SEMA3A: variants seen among roughly 807,000 people sequenced by gnomAD.
SEMA3A encodes the protein semaphorin-3A.
SEMA3A carries 29 observed loss-of-function variants against 97.9 expected under a neutral mutation model. The observed-to-expected ratio is 0.30, with a 90% CI of 0.22 to 0.40. The LOEUF (loss-of-function observed/expected upper bound fraction) is 0.40, where lower values mean the gene tolerates loss of function less well. Ranked by LOEUF, SEMA3A falls within the 10% of genes least tolerant of loss-of-function variation. The pLI is 1.00. For synonymous variants in SEMA3A, 321 were observed against 323.7 expected (o/e 0.99, Z 0.09); for missense variants, 763 against 951.3 (o/e 0.80, Z 2.60).
At chr7:84,260,903 C>T (rs2115659228) in intron 3 of SEMA3A, among the ~76,000 whole-genome samples, 1 of 152,278 alleles carries the variant, frequency 6.6e-6, no homozygotes, top group South Asian at 2.1e-4. Context: ...AGCCTGAGGC[C>T]CAGACTGTCC....
intron 1 of SEMA3A, among the ~76,000 whole-genome samples, chr7:84,450,389 T>C (rs1805526071): frequency 6.6e-6 from 1 of 152,156 alleles, no homozygotes; most frequent in African/African-American, 2.4e-5. Flanking sequence ...AGGAACTTTC[T>C]GGAAAAACCT....
At chr7:84,420,956 A>AT (rs1344803960) in intron 1 of SEMA3A, among the ~76,000 whole-genome samples, 4 of 151,928 alleles carry the variant, frequency 2.6e-5, no homozygotes, top group Non-Finnish European at 4.4e-5. Context: ...AGATTCATTG[A>AT]TTTTTTAAAG....
At chr7:84,368,599 A>G (rs1802905080) in intron 2 of SEMA3A, among the ~76,000 whole-genome samples, 1 of 150,946 alleles carries the variant, frequency 6.6e-6, no homozygotes, top group Admixed American at 6.6e-5. Context: ...TATAATGACC[A>G]AAGTAAGATA....
chr7:84,358,843 G>A (rs1802638868), intron 2 of SEMA3A, among the ~76,000 whole-genome samples: 1 of 152,124 alleles, frequency 6.6e-6, no homozygotes, highest in Non-Finnish European at 1.5e-5. Context: ...TCCTTGAAGA[G>A]GTCCTTCATA....
At chr7:84,083,654 A>C (rs1794236639) in intron 4 of SEMA3A, among the ~76,000 whole-genome samples, 2 of 152,034 alleles carry the variant, frequency 1.3e-5, no homozygotes, top group East Asian at 3.8e-4. Flanking sequence ...GATTTCTTTT[A>C]AAATTTGCTA....
At chr7:84,320,767 CAGG>C (rs1046052653) in intron 2 of SEMA3A, among the ~76,000 whole-genome samples, 1 of 151,984 alleles carries the variant, frequency 6.6e-6, no homozygotes, top group African/African-American at 2.4e-5. Flanking sequence ...AGTGAGAGAG[CAGG>C]AGATTTGAAA....
chr7:83,964,684 A>C (rs1788601539), intron 15 of SEMA3A, among the ~76,000 whole-genome samples: 2 of 152,178 alleles, frequency 1.3e-5, no homozygotes, highest in South Asian at 4.1e-4. Context: ...CTCTTCCAAT[A>C]TTGGGAATTA....
chr7:84,030,047 T>C (rs765387875), intron 6 of SEMA3A, among the ~76,000 whole-genome samples: 20 of 152,108 alleles, frequency 1.3e-4, no homozygotes, highest in Non-Finnish European at 2.2e-4. Context: ...AAAACAAAAT[T>C]ATCCTCTCAG....
chr7:84,260,730 G>C lies in SEMA3A; in HGVS notation c.-83+46477C>G, dbSNP rs572033350. ...AATGAGCATGGGAAGGAGGCCAAGG[G>C]GGGGACTGAGGGAGGATTGGCATAG... On this transcript the variant is annotated intron_variant, in intron 3 of 3. Coordinates refer to the SEMA3A transcript ENST00000424555. Among the ~76,000 whole-genome samples the C allele has an allele frequency of 2.3e-4, 35 of 152,318 alleles. 2 individuals carry two copies. The highest frequency in any genetic ancestry group is 7.0e-4 in the African/African-American group (29 of 41,580).
At chr7:84,209,865 A>G (rs1490901458) in intron 3 of SEMA3A, among the ~76,000 whole-genome samples, 1 of 152,214 alleles carries the variant, frequency 6.6e-6, no homozygotes, top group East Asian at 1.9e-4. Context: ...AGTCATTTAC[A>G]TGCTTCTGAC....
At chr7:84,031,518 T>C (rs1244576175) in intron 6 of SEMA3A, among the ~76,000 whole-genome samples, 1 of 152,006 alleles carries the variant, frequency 6.6e-6, no homozygotes, top group East Asian at 1.9e-4. Flanking sequence ...AAATACGTAA[T>C]AATAACTTAT....
intron 12 of SEMA3A, among the ~76,000 whole-genome samples, chr7:83,986,965 C>T (rs62473901): frequency 9.8e-6 from 1 of 101,752 alleles, no homozygotes; most frequent in Admixed American, 9.6e-5. Context: ...TCATCTCTCT[C>T]TCTTTCACAC....
intron 3 of SEMA3A, among the ~76,000 whole-genome samples, chr7:84,295,141 A>G (rs17158810): frequency 0.018 from 2,686 of 152,176 alleles, 79 homozygotes; most frequent in African/African-American, 0.062. Context: ...CCTGTGGGAT[A>G]TAAAAGGATT....
At chr7:84,140,130 A>C (rs1432335119) in intron 1 of SEMA3A, among the ~76,000 whole-genome samples, 1 of 152,102 alleles carries the variant, frequency 6.6e-6, no homozygotes, top group Non-Finnish European at 1.5e-5. Flanking sequence ...CACTCGCACC[A>C]AAATCATGCA....
At chr7:83,991,143 C>T (rs200482794) in intron 12 of SEMA3A, among the ~76,000 whole-genome samples, 2,848 of 147,350 alleles carry the variant, frequency 0.019, 68 homozygotes, top group East Asian at 0.12. Context: ...TGTATAAGAA[C>T]GCTTGTGATT....
intron 1 of SEMA3A, among the ~76,000 whole-genome samples, chr7:84,453,157 C>T (rs960653140): frequency 6.6e-6 from 1 of 151,854 alleles, no homozygotes; most frequent in Non-Finnish European, 1.5e-5. Flanking sequence ...ATACCTACTG[C>T]TAAGCAAATT....
chr7:84,349,484 G>A (rs79745110), intron 2 of SEMA3A, among the ~76,000 whole-genome samples: 2,116 of 152,282 alleles, frequency 0.014, 58 homozygotes, highest in African/African-American at 0.048. Context: ...ATGATAAATT[G>A]TGCTAAAGGT....
chr7:84,422,818 T>C (rs1169428968), intron 1 of SEMA3A, among the ~76,000 whole-genome samples: 1 of 151,784 alleles, frequency 6.6e-6, no homozygotes, highest in African/African-American at 2.4e-5. Flanking sequence ...CATGAATTGG[T>C]ATCAGTAAAA....
intron 2 of SEMA3A, among the ~76,000 whole-genome samples, chr7:84,338,089 T>TA (rs1325102317): frequency 6.6e-6 from 1 of 151,876 alleles, no homozygotes; most frequent in Non-Finnish European, 1.5e-5. Context: ...CATATCTCTA[T>TA]ACACATATAC....
Sources: allele counts gnomAD v4.1 joint callset (sites outside exome capture counted in the v4.1 genomes callset), GRCh38; gene constraint gnomAD v4.1.1; transcripts MANE v1.5; gene names NCBI Gene and HGNC (gene_info 2026-07-23, HGNC 2026-07-21).